LRP1B: variants seen among roughly 807,000 people sequenced by gnomAD.
The protein encoded by LRP1B is low-density lipoprotein receptor-related protein 1B.
LRP1B carries 217 observed loss-of-function variants against 556.6 expected under a neutral mutation model. That is an observed-to-expected ratio of 0.39 (90% confidence interval 0.35 to 0.44). The LOEUF is 0.44. Ranked by LOEUF, LRP1B falls within the 20% of genes least tolerant of loss-of-function variation. The probability of loss-of-function intolerance (pLI) is 1.00; values close to 1 mark genes in which losing one functional copy is unlikely to be tolerated. For synonymous variants in LRP1B, 2,047 were observed against 1,865.8 expected (o/e 1.10, Z -2.50); for missense variants, 5,053 against 5,620.8 (o/e 0.90, Z 3.23).
At chr2:141,792,312 A>G (rs1307599120) in intron 2 of LRP1B, among the ~76,000 whole-genome samples, 1 of 152,002 alleles carries the variant, frequency 6.6e-6, no homozygotes, top group Non-Finnish European at 1.5e-5. Flanking sequence ...TTTGACATTC[A>G]AAACTCAGAA....
intron 27 of LRP1B, among the ~76,000 whole-genome samples, chr2:140,867,366 G>C (rs1050353190): frequency 6.6e-6 from 1 of 151,630 alleles, no homozygotes; most frequent in Admixed American, 6.6e-5. Context: ...GGGCATCTTA[G>C]GAATTAAGAT....
chr2:141,882,028 A>G (rs1293994409), intron 1 of LRP1B, among the ~76,000 whole-genome samples: 1 of 152,004 alleles, frequency 6.6e-6, no homozygotes. Flanking sequence ...AAATGCTGGG[A>G]TTATAGGTGT....
chr2:141,817,324 A>G (rs1014711472), intron 1 of LRP1B, among the ~76,000 whole-genome samples: 3 of 152,142 alleles, frequency 2.0e-5, no homozygotes, highest in Admixed American at 6.5e-5. Flanking sequence ...AGTACCATGT[A>G]TATCTTTTTA....
intron 10 of LRP1B, among the ~76,000 whole-genome samples, chr2:141,052,868 G>T (rs781670289): frequency 1.2e-4 from 18 of 151,760 alleles, no homozygotes; most frequent in Non-Finnish European, 2.2e-4. Context: ...GAAATCCTGG[G>T]CTCAAGTGAT....
intron 25 of LRP1B, 142 bp from the exon 26 acceptor site, chr2:140,868,405 G>A: frequency 1.5e-6 from 1 of 681,680 alleles, no homozygotes; most frequent in East Asian, 3.0e-5. Context: ...ATCCTCGTGG[G>A]GCTTATGGTC....
At chr2:140,610,348 A>C (rs1683025554) in intron 41 of LRP1B, among the ~76,000 whole-genome samples, 2 of 152,200 alleles carry the variant, frequency 1.3e-5, no homozygotes, top group South Asian at 4.1e-4. Context: ...TTCTGAATCC[A>C]TTGAGCAATC....
At chr2:140,762,890 G>T (rs1053973217) in intron 35 of LRP1B, among the ~76,000 whole-genome samples, 4 of 151,942 alleles carry the variant, frequency 2.6e-5, no homozygotes, top group African/African-American at 9.7e-5. Flanking sequence ...CTTAAAATGG[G>T]AAGAAAAGCA....
chr2:141,705,976 C>T (rs987336874), intron 2 of LRP1B, among the ~76,000 whole-genome samples: 2 of 152,010 alleles, frequency 1.3e-5, no homozygotes, highest in African/African-American at 4.8e-5. Flanking sequence ...ATAGATTCGA[C>T]TTCACCATTC....
At chr2:141,362,110 A>G (rs942965922) in intron 3 of LRP1B, among the ~76,000 whole-genome samples, 1 of 152,216 alleles carries the variant, frequency 6.6e-6, no homozygotes, top group African/African-American at 2.4e-5. Context: ...AAGATCAAAG[A>G]CAGTCTTTTA....
At chr2:141,976,726 T>C (rs1002185300) in intron 1 of LRP1B, among the ~76,000 whole-genome samples, 2 of 152,040 alleles carry the variant, frequency 1.3e-5, no homozygotes, top group Admixed American at 1.3e-4. Flanking sequence ...CAGCAATGAA[T>C]TGAGGGCAAT....
chr2:140,737,872 G>T (rs1199980897), intron 35 of LRP1B, among the ~76,000 whole-genome samples: 1 of 152,204 alleles, frequency 6.6e-6, no homozygotes, highest in Non-Finnish European at 1.5e-5. Context: ...CCTGGTGGCA[G>T]CTGCTACGCC....
Position 140,232,722 on chromosome 2 carries a change from G to T in LRP1B, c.*464C>A, listed in dbSNP as rs867296789. 1 of 151,564 alleles carries T rather than the reference G, an allele frequency of 6.6e-6. No homozygotes were observed. Among genetic ancestry groups the T allele is most frequent in the African/African-American group, 2.4e-5 (1 of 41,234 alleles). The allele number at this position is 151,564 out of a possible 1,614,324, so 9.4% of individuals were successfully genotyped here. A position where few individuals can be genotyped will look rare whatever the true frequency, so the allele number is the denominator to read the frequency against. ...AGCAGAGTCTGAATCGATCTTTATG[G>T]GCACAAAGAAGAGAGTTGACCATTC... On this transcript the variant is annotated 3_prime_UTR_variant, in exon 91 of 91. Transcript: ENST00000389484.
intron 69 of LRP1B, among the ~76,000 whole-genome samples, chr2:140,371,958 T>A (rs766143541): frequency 5.6e-4 from 85 of 152,184 alleles, no homozygotes; most frequent in Admixed American, 2.2e-3. Flanking sequence ...GTGTAATATT[T>A]GCAAGTTTAT....
At chr2:141,610,463 C>T (rs1054355186) in intron 2 of LRP1B, among the ~76,000 whole-genome samples, 7 of 151,970 alleles carry the variant, frequency 4.6e-5, no homozygotes, top group Non-Finnish European at 1.0e-4. Context: ...TTGCTCTCTC[C>T]ACCTACAGCC....
At chr2:140,767,747 C>T (rs1422913233) in intron 35 of LRP1B, among the ~76,000 whole-genome samples, 1 of 151,328 alleles carries the variant, frequency 6.6e-6, no homozygotes, top group African/African-American at 2.4e-5. Context: ...AATATTTTTT[C>T]CTCATGGAAA....
At chr2:140,277,960 A>G (rs1682751749) in intron 84 of LRP1B, among the ~76,000 whole-genome samples, 3 of 151,922 alleles carry the variant, frequency 2.0e-5, no homozygotes, top group Non-Finnish European at 4.4e-5. Flanking sequence ...AAAAGCCCAA[A>G]TTTTAAGAAA....
Position 141,478,316 on chromosome 2 carries a change from A to G in LRP1B, c.343+2080T>C, listed in dbSNP as rs538572021. Among the ~76,000 whole-genome samples, 3 of 152,302 alleles carry G rather than the reference A, an allele frequency of 2.0e-5. No homozygotes were observed. In the South Asian group the frequency reaches 6.2e-4, roughly 32 times the overall value. ...TGTGTGTAATCATCTCTGATGAAAT[A>G]TTTGGAAAGGTGATGGTTTTGTTCT... On this transcript the variant is annotated intron_variant, in intron 3 of 90. Coordinates refer to ENST00000389484, the MANE Select transcript of LRP1B (RefSeq NM_018557.3).
chr2:140,318,820 G>T (rs1684646514), intron 82 of LRP1B, among the ~76,000 whole-genome samples: 1 of 151,990 alleles, frequency 6.6e-6, no homozygotes, highest in Admixed American at 6.6e-5. Context: ...TAAAATAGGA[G>T]AAATTACTAG....
At chr2:140,650,549 A>G (rs1182665540) in intron 41 of LRP1B, among the ~76,000 whole-genome samples, 1 of 151,936 alleles carries the variant, frequency 6.6e-6, no homozygotes, top group Non-Finnish European at 1.5e-5. Flanking sequence ...GTGTTTCACC[A>G]TGTTGGCCAG....
Sources: gnomAD v4.1 joint callset for allele counts (sites outside exome capture counted in the v4.1 genomes callset) on GRCh38, gnomAD v4.1.1 for gene constraint, MANE v1.5 for transcripts, NCBI Gene and HGNC (gene_info 2026-07-23, HGNC 2026-07-21) for gene names.